FAM227B: variants seen among roughly 807,000 people sequenced by gnomAD.
FAM227B encodes family with sequence similarity 227 member B, also known as protein FAM227B.
Under a neutral mutation model 73.8 loss-of-function variants are expected in FAM227B, and 88 were observed. The ratio of observed to expected loss-of-function variants is 1.19; its 90% CI spans 1.00 to 1.42. FAM227B has a LOEUF of 1.42. FAM227B is among the 40% of genes most tolerant of loss of function. The pLI is 0.00. For synonymous variants in FAM227B, 210 were observed against 190.5 expected (o/e 1.10, Z -0.84); for missense variants, 632 against 590.9 (o/e 1.07, Z -0.72).
chr15:49,424,639 T>C, intron 11 of FAM227B: 1 of 1,343,798 alleles, frequency 7.4e-7, no homozygotes. Flanking sequence ...TGGATCAATT[T>C]TCAGGTGATA....
chr15:49,556,505 A>G (rs914961141), intron 9 of FAM227B, among the ~76,000 whole-genome samples: 1 of 152,190 alleles, frequency 6.6e-6, no homozygotes, highest in Non-Finnish European at 1.5e-5. Context: ...TGCCAGCAAA[A>G]GCACTTCATC....
intron 10 of FAM227B, among the ~76,000 whole-genome samples, chr15:49,533,807 T>G (rs1308456896): frequency 1.3e-5 from 2 of 151,812 alleles, no homozygotes; most frequent in Non-Finnish European, 2.9e-5. Flanking sequence ...TTGGGTGTTG[T>G]TTTTTAATCC....
At chr15:49,550,463 G>A (rs1351664730) in intron 9 of FAM227B, among the ~76,000 whole-genome samples, 20 of 151,452 alleles carry the variant, frequency 1.3e-4, no homozygotes, top group Admixed American at 9.2e-4. Context: ...ACTGCCAGGC[G>A]GAGGGGCTCC....
rs1321878912 is a variant in FAM227B at position 49,591,726 on chromosome 15, C to T, written c.106-1719G>A. ...GGTCTTGAACTCCTGACCTTGTGATCTGCTCACCTCGGCCTCCCAAAATGC... is the reference window on the plus strand; with the variant it reads ...GGTCTTGAACTCCTGACCTTGTGATTTGCTCACCTCGGCCTCCCAAAATGC... On this transcript the variant is annotated intron_variant, in intron 3 of 15. Transcript: ENST00000299338. 3.3e-5 allele frequency among the ~76,000 whole-genome samples: 5 copies of T among 151,972 alleles called. 1 individual carries two copies. The highest frequency in any genetic ancestry group is 5.9e-5 in the Non-Finnish European group (4 of 67,992).
At chr15:49,599,294 C>A (rs1208857756) in intron 3 of FAM227B, among the ~76,000 whole-genome samples, 3 of 152,068 alleles carry the variant, frequency 2.0e-5, no homozygotes, top group Non-Finnish European at 2.9e-5. Context: ...AATGTCTCCT[C>A]TTTCATTTCT....
chr15:49,357,348 A>C (rs1331921812), intron 13 of FAM227B, among the ~76,000 whole-genome samples: 6 of 150,086 alleles, frequency 4.0e-5, no homozygotes, highest in Non-Finnish European at 7.4e-5. Flanking sequence ...CAAGACTAAT[A>C]AAGAAAAAAA....
intron 13 of FAM227B, among the ~76,000 whole-genome samples, chr15:49,355,637 G>A (rs1359395222): frequency 6.6e-6 from 1 of 152,116 alleles, no homozygotes; most frequent in Non-Finnish European, 1.5e-5. Context: ...AAGTGATGGG[G>A]AGAATGGAAC....
At chr15:49,551,420 A>G (rs2073001184) in intron 9 of FAM227B, among the ~76,000 whole-genome samples, 1 of 152,170 alleles carries the variant, frequency 6.6e-6, no homozygotes, top group South Asian at 2.1e-4. Flanking sequence ...AAGTATAGCA[A>G]TTCCTTTTTT....
chr15:49,379,417 C>T (rs1359628715), intron 11 of FAM227B, among the ~76,000 whole-genome samples: 1 of 152,104 alleles, frequency 6.6e-6, no homozygotes, highest in African/African-American at 2.4e-5. Context: ...GCTATGAGAT[C>T]CTGGGCTTTT....
intron 3 of FAM227B, among the ~76,000 whole-genome samples, chr15:49,610,060 C>A (rs1226936407): frequency 1.3e-5 from 2 of 151,870 alleles, no homozygotes; most frequent in African/African-American, 4.8e-5. Flanking sequence ...CTGGCATAAA[C>A]CCACTATCTT....
chr15:49,343,641 A>T (rs1481591995), intron 13 of FAM227B: 1 of 152,156 alleles, frequency 6.6e-6, no homozygotes, highest in Non-Finnish European at 1.5e-5. Context: ...CCTGAGGGCA[A>T]CTCATTTTAC....
At chr15:49,567,155 G>A (rs949029534) in intron 9 of FAM227B, among the ~76,000 whole-genome samples, 1 of 152,124 alleles carries the variant, frequency 6.6e-6, no homozygotes, top group Non-Finnish European at 1.5e-5. Context: ...AAAGAATATG[G>A]GTAGCAGAAA....
At chr15:49,495,462 C>T (rs529749089) in intron 11 of FAM227B, among the ~76,000 whole-genome samples, 3 of 152,238 alleles carry the variant, frequency 2.0e-5, no homozygotes, top group South Asian at 4.1e-4. Context: ...GTATAAAATA[C>T]AACTAACAAC....
intron 10 of FAM227B, among the ~76,000 whole-genome samples, chr15:49,527,472 C>G (rs1012488628): frequency 5.9e-5 from 9 of 151,880 alleles, no homozygotes; most frequent in Non-Finnish European, 1.2e-4. Context: ...CATGCTCTTA[C>G]CACTCCTATT....
At chr15:49,533,034 C>A (rs940464888) in intron 10 of FAM227B, among the ~76,000 whole-genome samples, 1 of 151,892 alleles carries the variant, frequency 6.6e-6, no homozygotes, top group Non-Finnish European at 1.5e-5. Flanking sequence ...CACACTGCTC[C>A]ATCAATGGCA....
chr15:49,450,827 G>C (rs567287875), intron 11 of FAM227B, among the ~76,000 whole-genome samples: 59 of 152,202 alleles, frequency 3.9e-4, no homozygotes, highest in African/African-American at 1.4e-3. Flanking sequence ...CAGGCAATTG[G>C]ATAGCTTAGG....
intron 11 of FAM227B, chr15:49,485,481 A>T (rs2056329664): frequency 1.3e-5 from 2 of 152,450 alleles, no homozygotes; most frequent in South Asian, 4.1e-4. Context: ...TATAAAAAAA[A>T]AACCTTAATA....
At chr15:49,328,891 C>G in intron 15 of FAM227B, 5 of 1,279,036 alleles carry the variant, frequency 3.9e-6, no homozygotes, top group Non-Finnish European at 5.0e-6. Context: ...CCTGAGCTAT[C>G]TCCATTACTT....
At chr15:49,533,313 T>C (rs2060758243) in intron 10 of FAM227B, among the ~76,000 whole-genome samples, 1 of 151,936 alleles carries the variant, frequency 6.6e-6, no homozygotes, top group Non-Finnish European at 1.5e-5. Flanking sequence ...TCCTGGAAAA[T>C]GTTTTGTGTG....
Sources: gnomAD v4.1 joint callset for allele counts (sites outside exome capture counted in the v4.1 genomes callset) on GRCh38, gnomAD v4.1.1 for gene constraint, MANE v1.5 for transcripts, NCBI Gene and HGNC (gene_info 2026-07-23, HGNC 2026-07-21) for gene names.